The following CCDC7 variants were observed in gnomAD, a reference collection of about 807,000 sequenced individuals.
CCDC7 encodes the protein coiled-coil domain-containing protein 7.
Under a neutral mutation model 196.9 loss-of-function variants are expected in CCDC7, and 183 were observed. The observed-to-expected ratio is 0.93, with a 90% confidence interval of 0.82 to 1.05. The LOEUF is 1.05. CCDC7 is among the 50% of genes least tolerant of loss of function. CCDC7 has a pLI of 0.00. For synonymous variants in CCDC7, 525 were observed against 484.6 expected, an observed-to-expected ratio of 1.08 and a Z score of -1.10; for missense variants, 1,540 against 1,482.2, an observed-to-expected ratio of 1.04 and a Z score of -0.64.
chr10:32,582,107 T>TATATATATATATAC (rs1491313174), intron 16 of CCDC7, among the ~76,000 whole-genome samples: 1 of 1,544 alleles, frequency 6.5e-4, no homozygotes, highest in African/African-American at 2.7e-3. Flanking sequence ...CTGTCAGCAC[T>TATATATATATATAC]ATATATATAT....
chr10:32,592,278 T>C (rs1033896535), intron 18 of CCDC7, among the ~76,000 whole-genome samples: 1 of 152,136 alleles, frequency 6.6e-6, no homozygotes, highest in African/African-American at 2.4e-5. Context: ...TGTCAGCCTT[T>C]TCAAAGAACC....
intron 13 of CCDC7, among the ~76,000 whole-genome samples, chr10:32,563,390 C>G (rs2056145218): frequency 6.6e-6 from 1 of 152,212 alleles, no homozygotes; most frequent in African/African-American, 2.4e-5. Flanking sequence ...TGCTACGTGA[C>G]TTCCAACTAT....
At chr10:32,445,909 C>T (rs2030802311), upstream of CCDC7, among the ~76,000 whole-genome samples, 1 of 152,224 alleles carries the variant, frequency 6.6e-6, no homozygotes, top group Non-Finnish European at 1.5e-5. Context: ...GGCCTCTAGG[C>T]CAAATGCCTG....
intron 15 of CCDC7, among the ~76,000 whole-genome samples, chr10:32,570,782 A>G (rs2057443524): frequency 6.6e-6 from 1 of 152,186 alleles, no homozygotes; most frequent in Non-Finnish European, 1.5e-5. Context: ...GTAGACTAAC[A>G]ATGTGTCTAA....
At chr10:32,745,888 A>G (rs1036707055) in intron 28 of CCDC7, among the ~76,000 whole-genome samples, 2 of 152,182 alleles carry the variant, frequency 1.3e-5, no homozygotes, top group African/African-American at 4.8e-5. Context: ...GATTTCTTTT[A>G]TCAGAGTTTT....
At chr10:32,781,259 A>T (rs955954201) in intron 29 of CCDC7, among the ~76,000 whole-genome samples, 2 of 152,174 alleles carry the variant, frequency 1.3e-5, no homozygotes, top group African/African-American at 4.8e-5. Context: ...ATCCTTCTCA[A>T]ATTCTTTCAA....
At chr10:32,818,754 C>T (rs537099989) in intron 31 of CCDC7, among the ~76,000 whole-genome samples, 127 of 152,276 alleles carry the variant, frequency 8.3e-4, no homozygotes, top group Non-Finnish European at 1.5e-3. Flanking sequence ...TAAAGATGTT[C>T]TTTGAAACCA....
At chr10:32,545,383 T>C (rs1390359946) in intron 13 of CCDC7, among the ~76,000 whole-genome samples, 1 of 152,232 alleles carries the variant, frequency 6.6e-6, no homozygotes, top group Non-Finnish European at 1.5e-5. Flanking sequence ...AAGAATGTAC[T>C]AGTTAAGAAC....
At chr10:32,489,740 G>T (rs566620484) in intron 8 of CCDC7, among the ~76,000 whole-genome samples, 2 of 152,244 alleles carry the variant, frequency 1.3e-5, no homozygotes, top group East Asian at 3.9e-4. Context: ...AGTGAGCATG[G>T]CTCTAGGGCC....
chr10:32,587,811 A>G (rs1410783636), intron 18 of CCDC7, among the ~76,000 whole-genome samples: 1 of 152,188 alleles, frequency 6.6e-6, no homozygotes, highest in Admixed American at 6.5e-5. Context: ...ACAGTGATGA[A>G]AGTGGACATC....
intron 20 of CCDC7, among the ~76,000 whole-genome samples, chr10:32,651,546 A>T (rs1459375335): frequency 6.6e-6 from 1 of 152,174 alleles, no homozygotes; most frequent in Non-Finnish European, 1.5e-5. Flanking sequence ...TTTATTTTGG[A>T]GAATAAACTG....
At chr10:32,680,808 A>C (rs1378937599) in intron 21 of CCDC7, among the ~76,000 whole-genome samples, 1 of 152,202 alleles carries the variant, frequency 6.6e-6, no homozygotes, top group Middle Eastern at 3.2e-3. Context: ...TTTTCTTAGC[A>C]GAGGTCCTTG....
intron 28 of CCDC7, among the ~76,000 whole-genome samples, chr10:32,733,713 A>T (rs2084373274): frequency 6.6e-6 from 1 of 152,086 alleles, no homozygotes; most frequent in South Asian, 2.1e-4. Context: ...TCCCACTGTG[A>T]TTATGGATTT....
intron 20 of CCDC7, among the ~76,000 whole-genome samples, chr10:32,653,368 C>A (rs368668971): frequency 1.3e-5 from 2 of 151,940 alleles, no homozygotes; most frequent in Non-Finnish European, 2.9e-5. Flanking sequence ...CCAATACAGC[C>A]CCCACCCCCT....
At chr10:32,800,092 T>C (rs769188387) in intron 29 of CCDC7, among the ~76,000 whole-genome samples, 8 of 152,322 alleles carry the variant, frequency 5.3e-5, no homozygotes, top group Non-Finnish European at 1.2e-4. Context: ...GTAAACCCTT[T>C]GTTAAGCTTA....
At chr10:32,736,764 T>C (rs907838667) in intron 28 of CCDC7, among the ~76,000 whole-genome samples, 60 of 152,310 alleles carry the variant, frequency 3.9e-4, no homozygotes, top group African/African-American at 1.3e-3. Flanking sequence ...ATATTAACCT[T>C]GTATCTAGCA....
intron 30 of CCDC7, among the ~76,000 whole-genome samples, chr10:32,813,810 A>G (rs545940511): frequency 1.3e-5 from 2 of 152,300 alleles, no homozygotes; most frequent in Admixed American, 6.5e-5. Context: ...TTCCCTGGCT[A>G]TATGATATTT....
intron 18 of CCDC7, among the ~76,000 whole-genome samples, chr10:32,612,064 TTCCATTTGTTTGTG>T (rs1207440203): frequency 6.6e-6 from 1 of 152,210 alleles, no homozygotes; most frequent in Admixed American, 6.5e-5. Flanking sequence ...TGGAATGTTT[TTCCATTTGTTTGTG>T]TCCACTCTTA....
In CCDC7 at chr10:32,589,288, T is replaced by C. The variant is rs143280147; in HGVS notation, c.1801+4984T>C. 4.9e-3 allele frequency among the ~76,000 whole-genome samples: 753 copies of C among 152,292 alleles called. 6 individuals carry two copies. Among genetic ancestry groups the C allele is most frequent in the Non-Finnish European group, 8.9e-3 (602 of 68,000 alleles). ...GCCTGGCTTATTGCACTTAACATAA[T>C]GTCCTCCAGTTCCATCTATGTTGTT... On this transcript the variant is annotated intron_variant, in intron 18 of 41. Transcript: ENST00000639629.
Sources: gnomAD v4.1 joint callset for allele counts (sites outside exome capture counted in the v4.1 genomes callset) on GRCh38, gnomAD v4.1.1 for gene constraint, MANE v1.5 for transcripts, NCBI Gene and HGNC (gene_info 2026-07-23, HGNC 2026-07-21) for gene names.